GPC5: variants seen among roughly 807,000 people sequenced by gnomAD.
The protein encoded by GPC5 is glypican-5.
In GPC5, 47 loss-of-function variants were observed where a neutral mutation model predicts 53.9. That is an observed-to-expected ratio of 0.87 (90% CI 0.69 to 1.11). GPC5 has a LOEUF of 1.11. GPC5 is among the 50% of genes most tolerant of loss of function. GPC5 has a pLI of 0.00. For missense variants in GPC5, 748 were observed against 713.1 expected (o/e 1.05, Z -0.56); for synonymous variants, 286 against 263.3 (o/e 1.09, Z -0.84).
At chr13:92,714,006 T>C (rs2139274856) in intron 7 of GPC5, among the ~76,000 whole-genome samples, 1 of 152,318 alleles carries the variant, frequency 6.6e-6, no homozygotes, top group African/African-American at 2.4e-5. Flanking sequence ...ACAAATGACT[T>C]CTGTCTTCCC....
At chr13:91,909,694 T>C (rs1245519257) in intron 6 of GPC5, among the ~76,000 whole-genome samples, 2 of 152,168 alleles carry the variant, frequency 1.3e-5, no homozygotes, top group Admixed American at 6.5e-5. Flanking sequence ...AAGATGGTGC[T>C]GTTCCATAAG....
intron 1 of GPC5, among the ~76,000 whole-genome samples, chr13:91,412,085 A>T (rs919675897): frequency 3.3e-5 from 5 of 152,198 alleles, no homozygotes; most frequent in African/African-American, 1.2e-4. Flanking sequence ...TTCAGTTGAA[A>T]ATGTGACTGC....
At chr13:91,811,883 A>G (rs2038317293) in intron 5 of GPC5, among the ~76,000 whole-genome samples, 1 of 152,238 alleles carries the variant, frequency 6.6e-6, no homozygotes, top group Non-Finnish European at 1.5e-5. Flanking sequence ...GAATTATGTT[A>G]CTACATCACA....
chr13:92,512,755 C>G (rs1227099944), intron 7 of GPC5, among the ~76,000 whole-genome samples: 1 of 152,158 alleles, frequency 6.6e-6, no homozygotes, highest in African/African-American at 2.4e-5. Context: ...TCATTACTGC[C>G]TTCACATTAA....
chr13:91,840,753 T>A (rs9523429), intron 5 of GPC5, among the ~76,000 whole-genome samples: 49,247 of 151,554 alleles, frequency 0.32, 9,466 homozygotes, highest in East Asian at 0.64. Context: ...TTTATTTTTT[T>A]TTTTTTAAAA....
chr13:91,921,778 T>TA (rs765456378), intron 6 of GPC5, among the ~76,000 whole-genome samples: 13 of 109,862 alleles, frequency 1.2e-4, no homozygotes, highest in Middle Eastern at 4.7e-3. Flanking sequence ...AGACTGCCTT[T>TA]AAAAAAAAAA....
chr13:91,597,821 T>A (rs1464892285), intron 2 of GPC5, among the ~76,000 whole-genome samples: 1 of 152,178 alleles, frequency 6.6e-6, no homozygotes, highest in African/African-American at 2.4e-5. Flanking sequence ...GGCTGTTGAT[T>A]TCAGCTCCTG....
intron 2 of GPC5, among the ~76,000 whole-genome samples, chr13:91,592,819 G>A (rs1240347440): frequency 1.3e-5 from 2 of 152,320 alleles, no homozygotes; most frequent in Middle Eastern, 3.4e-3. Flanking sequence ...AACCCTGTGG[G>A]GCAGCCAGGC....
chr13:91,503,553 T>C (rs992052071), intron 2 of GPC5, among the ~76,000 whole-genome samples: 1 of 151,690 alleles, frequency 6.6e-6, no homozygotes, highest in African/African-American at 2.4e-5. Flanking sequence ...AGGCTGAGGC[T>C]GGCGGATCAC....
At chr13:92,860,727 T>G (rs1566449173) in intron 7 of GPC5, among the ~76,000 whole-genome samples, 1 of 152,108 alleles carries the variant, frequency 6.6e-6, no homozygotes, top group African/African-American at 2.4e-5. Context: ...TCAAGTCAGT[T>G]TCCTCATAAT....
chr13:91,948,371 C>T (rs2139055260), intron 6 of GPC5, among the ~76,000 whole-genome samples: 1 of 152,008 alleles, frequency 6.6e-6, no homozygotes, highest in African/African-American at 2.4e-5. Context: ...TGAGGACGAG[C>T]ATAGATATTC....
intron 2 of GPC5, among the ~76,000 whole-genome samples, chr13:91,582,170 G>C (rs775794717): frequency 1.3e-5 from 2 of 152,018 alleles, no homozygotes; most frequent in Non-Finnish European, 2.9e-5. Context: ...CAGTGGTTTA[G>C]ACTCCAAAGA....
At chr13:91,875,536 C>A (rs1026791147) in intron 5 of GPC5, among the ~76,000 whole-genome samples, 17 of 152,178 alleles carry the variant, frequency 1.1e-4, no homozygotes, top group African/African-American at 4.1e-4. Context: ...GTTTATATTT[C>A]ATTTCTTCAT....
chr13:91,516,893 C>A (rs111239758), intron 2 of GPC5, among the ~76,000 whole-genome samples: 1 of 152,186 alleles, frequency 6.6e-6, no homozygotes, highest in African/African-American at 2.4e-5. Flanking sequence ...CTTGGGGCTT[C>A]CACCCTCTAA....
intron 7 of GPC5, among the ~76,000 whole-genome samples, chr13:92,212,531 G>A (rs2042382696): frequency 6.6e-6 from 1 of 152,118 alleles, no homozygotes; most frequent in African/African-American, 2.4e-5. Context: ...TAAAGAGGAA[G>A]AAATTTCCAT....
intron 7 of GPC5, among the ~76,000 whole-genome samples, chr13:92,238,545 G>T (rs191703253): frequency 4.6e-5 from 7 of 151,872 alleles, no homozygotes; most frequent in African/African-American, 1.7e-4. Flanking sequence ...TTAAAAACTG[G>T]GTTATTTATC....
intron 6 of GPC5, among the ~76,000 whole-genome samples, chr13:91,958,311 G>T (rs1354829554): frequency 6.6e-6 from 1 of 151,384 alleles, no homozygotes; most frequent in East Asian, 1.9e-4. Flanking sequence ...TAATGATAAA[G>T]GGATCAACTC....
At chr13:91,652,134 TC>T (rs141395588) in intron 2 of GPC5, among the ~76,000 whole-genome samples, 4,449 of 152,306 alleles carry the variant, frequency 0.029, 83 homozygotes, top group Non-Finnish European at 0.049. Flanking sequence ...CCTCTGATAG[TC>T]CTGATCTCAA....
At chr13:91,567,806 T>C (rs1218737761) in intron 2 of GPC5, among the ~76,000 whole-genome samples, 2 of 152,170 alleles carry the variant, frequency 1.3e-5, no homozygotes, top group East Asian at 3.9e-4. Context: ...TTTTCTTTTG[T>C]TCGGTTATAG....
Sources: allele counts gnomAD v4.1 joint callset (sites outside exome capture counted in the v4.1 genomes callset), GRCh38; gene constraint gnomAD v4.1.1; transcripts MANE v1.5; gene names NCBI Gene and HGNC (gene_info 2026-07-23, HGNC 2026-07-21).